CHML: variants seen among roughly 807,000 people sequenced by gnomAD.
CHML encodes the protein rab proteins geranylgeranyltransferase component A 2.
A neutral mutation model predicts 30.4 loss-of-function variants in CHML; 20 were observed. That is an observed-to-expected ratio of 0.66 (90% CI 0.46 to 0.95). CHML has a LOEUF of 0.95. Ranked by LOEUF, CHML falls within the 40% of genes least tolerant of loss-of-function variation. CHML has a pLI of 0.00. For synonymous variants in CHML, 281 were observed against 275.0 expected, an observed-to-expected ratio of 1.02 and a Z score of -0.22; for missense variants, 795 against 768.5, an observed-to-expected ratio of 1.03 and a Z score of -0.41.
In CHML at chr1:241,630,298, C is replaced by T. The variant is rs1054171877; in HGVS notation, c.*3498G>A. 2 of 152,034 alleles carry T rather than the reference C, an allele frequency of 1.3e-5. No individual in the cohort carries two copies. Among genetic ancestry groups the T allele is most frequent in the Non-Finnish European group, 2.9e-5 (2 of 67,908 alleles). 9.4% of individuals were successfully genotyped at this position (152,034 alleles called of 1,614,324 possible). A position where few individuals can be genotyped will look rare whatever the true frequency, so the allele number is the denominator to read the frequency against. On this transcript the variant is annotated 3_prime_UTR_variant, in exon 2 of 2. Transcript: ENST00000366553. ...GGCATGGCTCCCATGGGAGTTTGTTCATGTTTAAAAATATAGCTCTTTAAA... is the reference window on the plus strand; with the variant it reads ...GGCATGGCTCCCATGGGAGTTTGTTTATGTTTAAAAATATAGCTCTTTAAA...
rs1273727735 is a variant in CHML, at chr1:241,629,445, A to T, written c.*4351T>A. On this transcript the variant is annotated 3_prime_UTR_variant, in exon 2 of 2. Coordinates refer to ENST00000366553, the MANE Select transcript of CHML (RefSeq NM_001381853.1). The stretch of plus-strand genomic sequence containing the variant: ...GGAAATTTGAATACCATTCAAATTG[A>T]TTTTTTATATCATTTATACACGATC... 1 of 152,112 alleles carries T rather than the reference A, an allele frequency of 6.6e-6. No homozygotes were observed. Among genetic ancestry groups the T allele is most frequent in the Non-Finnish European group, 1.5e-5 (1 of 67,978 alleles). The allele number at this position is 152,112 out of a possible 1,614,324, so 9.4% of individuals were successfully genotyped here. A position where few individuals can be genotyped will look rare whatever the true frequency, so the allele number is the denominator to read the frequency against.
At position 241,629,396 on chromosome 1, in the gene CHML, G is replaced by A. The variant is rs899085768; in HGVS notation, c.*4400C>T. 2 of 152,238 alleles carry A rather than the reference G, an allele frequency of 1.3e-5. No homozygotes were observed. Among genetic ancestry groups the A allele is most frequent in the African/African-American group, 4.8e-5 (2 of 41,562 alleles). 9.4% of individuals were successfully genotyped at this position (152,238 alleles called of 1,614,324 possible). A position where few individuals can be genotyped will look rare whatever the true frequency, so the allele number is the denominator to read the frequency against. ...TTGCTAATACAATAGCATGAACTAAGTCAAAGTTGCATTTTTAATATTAGG... is the reference window on the plus strand; with the variant it reads ...TTGCTAATACAATAGCATGAACTAAATCAAAGTTGCATTTTTAATATTAGG... On this transcript the variant is annotated 3_prime_UTR_variant, in exon 2 of 2. Transcript: ENST00000366553.
In CHML at chr1:241,629,794, T is replaced by C. The variant is rs1664550813; in HGVS notation, c.*4002A>G. The C allele has an allele frequency of 6.6e-6, 1 of 152,132 alleles. No individual in the cohort carries two copies. The allele number at this position is 152,132 out of a possible 1,614,324, so 9.4% of individuals were successfully genotyped here. The stretch of plus-strand genomic sequence containing the variant: ...TCTAGCTAGTCTTTCCACCAGCAGT[T>C]ATTAATATTTCTTTCTTTCCATTGG... On this transcript the variant is annotated 3_prime_UTR_variant, in exon 2 of 2. Coordinates refer to ENST00000366553, the MANE Select transcript of CHML (RefSeq NM_001381853.1).
Position 241,629,692 on chromosome 1 carries a change from T to A in CHML, c.*4104A>T, listed in dbSNP as rs1446211221. 6.6e-6 allele frequency: 1 copy of A among 152,160 alleles called. No individual in the cohort carries two copies. The highest frequency in any genetic ancestry group is 1.5e-5 in the Non-Finnish European group (1 of 67,982). The allele number at this position is 152,160 out of a possible 1,614,324, so 9.4% of individuals were successfully genotyped here. ...CACTATTGGTGTGAGACTTGTAGTA[T>A]TTTTCTTTTTATACTTAACATTTTA... On this transcript the variant is annotated 3_prime_UTR_variant, in exon 2 of 2. Coordinates refer to ENST00000366553, the MANE Select transcript of CHML (RefSeq NM_001381853.1).
intron 1 of CHML, among the ~76,000 whole-genome samples, chr1:241,636,921 AAC>A (rs1664918490): frequency 6.6e-6 from 1 of 151,504 alleles, no homozygotes; most frequent in Non-Finnish European, 1.5e-5. Flanking sequence ...TGCCAAGACT[AAC>A]ACTGTTTGTT....
chr1:241,640,332 G>A lies in CHML; in HGVS notation c.-758C>T, dbSNP rs1306182033. ...TCGCGGCGCGCTCCGCACTGGGTGGGGTTGGGGCTCCGCCGCCTGCTCTAG... is the reference window on the plus strand; with the variant it reads ...TCGCGGCGCGCTCCGCACTGGGTGGAGTTGGGGCTCCGCCGCCTGCTCTAG... On this transcript the variant is annotated 5_prime_UTR_variant, in exon 1 of 2. Coordinates refer to ENST00000366553, the MANE Select transcript of CHML (RefSeq NM_001381853.1). 3 of 1,083,300 alleles carry A rather than the reference G, an allele frequency of 2.8e-6. No homozygotes were observed. Among genetic ancestry groups the A allele is most frequent in the Non-Finnish European group, 3.3e-6 (3 of 896,306 alleles). The allele number at this position is 1,083,300 out of a possible 1,614,324, so 67.1% of individuals were successfully genotyped here. A position where few individuals can be genotyped will look rare whatever the true frequency, so the allele number is the denominator to read the frequency against.
rs1664772372 is a variant in CHML at position 241,634,173 on chromosome 1, G to T, written c.1594C>A (p.Pro532Thr). The change falls in exon 2 of 2, where the codon CCG (proline) becomes ACG (threonine). Residue 532 changes from proline to threonine, a missense_variant. By Grantham distance (38) the Pro-to-Thr change is conservative. Transcript: ENST00000366553. Reference sequence around the variant, plus strand: ...TCGTTTATTTCTGTTTCAGTATACGGAGTGAATAATTTCTTCACCACTGAT... The same window carrying T: ...TCGTTTATTTCTGTTTCAGTATACGTAGTGAATAATTTCTTCACCACTGAT... ...LESVVKKLFT[P>T]YTETEINEEE... 2 of 1,613,882 alleles carry T rather than the reference G, an allele frequency of 1.2e-6. No homozygotes were observed. Among genetic ancestry groups the T allele is most frequent in the Non-Finnish European group, 1.7e-6 (2 of 1,179,874 alleles).
In CHML at chr1:241,635,662, C is replaced by T; in HGVS notation, c.105G>A (p.Leu35=). ...AACSRSGQRV[L]HIDSRSYYGG... ...CATAGTAGCTTCTTGAATCAATATG[C>T]AGAACCCTCTGACCACTTCTTGAAC... is the stretch of plus-strand genomic sequence containing the variant. Residue 35 remains leucine (L), a synonymous_variant, in exon 2 of 2, where the codon CTG becomes CTA. Coordinates refer to ENST00000366553, the MANE Select transcript of CHML (RefSeq NM_001381853.1). 1.2e-6 allele frequency: 2 copies of T among 1,614,046 alleles called. No homozygotes were observed. The highest frequency in any genetic ancestry group is 1.7e-6 in the Non-Finnish European group (2 of 1,179,916).
At chr1:241,639,784 G>T in intron 1 of CHML, 98 bp downstream of exon 1, 1 of 1,191,508 alleles carries the variant, frequency 8.4e-7, no homozygotes, top group South Asian at 1.8e-5. Context: ...AGCGGGAAGC[G>T]GTGCGGGGCG....
At position 241,632,757 on chromosome 1, in the gene CHML, T is replaced by C. The variant is rs1295981549; in HGVS notation, c.*1039A>G. The C allele has an allele frequency of 6.6e-6, 1 of 152,166 alleles. No individual in the cohort carries two copies. The highest frequency in any genetic ancestry group is 1.9e-4 in the East Asian group (1 of 5,202). 9.4% of individuals were successfully genotyped at this position (152,166 alleles called of 1,614,324 possible). On this transcript the variant is annotated 3_prime_UTR_variant, in exon 2 of 2. Transcript: ENST00000366553. ...ATCAGTTATGTTATAGTGATATTAA[T>C]TAAAGTGGTAGAGCCAACAAGGTGG... is the stretch of plus-strand genomic sequence containing the variant.
chr1:241,637,104 G>A (rs1012771394), intron 1 of CHML, among the ~76,000 whole-genome samples: 2 of 152,208 alleles, frequency 1.3e-5, no homozygotes, highest in Non-Finnish European at 2.9e-5. Context: ...AAAGTCTTTA[G>A]GCTAAAGCAA....
chr1:241,634,252 G>C lies in CHML; in HGVS notation c.1515C>G (p.Thr505=), dbSNP rs201448683. 2 of 1,613,938 alleles carry C rather than the reference G, an allele frequency of 1.2e-6. No homozygotes were observed. The highest frequency in any genetic ancestry group is 2.2e-5 in the East Asian group (1 of 44,876). The part of the protein sequence containing the change: ...CSSTMTCMKD[T]YLVHLTCSSS... ...ATGAACATGTCAAATGTACCAGATA[G>C]GTGTCCTTCATGCATGTCATGGTTG... Residue 505 remains threonine, a synonymous_variant, in exon 2 of 2, where the codon ACC becomes ACG. Coordinates refer to ENST00000366553, the MANE Select transcript of CHML (RefSeq NM_001381853.1).
In CHML at chr1:241,634,216, T is replaced by C. The variant is rs771927047; in HGVS notation, c.1551A>G (p.Thr517=). 10 of 1,614,040 alleles carry C rather than the reference T, an allele frequency of 6.2e-6. No individual in the cohort carries two copies. Among genetic ancestry groups the C allele is most frequent in the Non-Finnish European group, 8.5e-6 (10 of 1,179,922 alleles). ...LVHLTCSSSK[T]AREDLESVVK... is the part of the protein sequence containing the mutation. ...CCACTGATTCTAAGTCTTCTCTTGC[T>C]GTTTTAGAAGATGAACATGTCAAAT... Residue 517 remains threonine (T), a synonymous_variant, in exon 2 of 2, where the codon ACA becomes ACG. Coordinates refer to ENST00000366553, the MANE Select transcript of CHML (RefSeq NM_001381853.1).
chr1:241,634,589 C>T lies in CHML; in HGVS notation c.1178G>A (p.Cys393Tyr), dbSNP rs766466619. The change falls in exon 2 of 2, where the codon TGT becomes TAT. Residue 393 changes from cysteine (C) to tyrosine (Y), a missense_variant. Cys to Tyr is a radical substitution (Grantham distance 194). Coordinates refer to ENST00000366553, the MANE Select transcript of CHML (RefSeq NM_001381853.1). ...ACAATAGATTCCACCAAAAACTGCA[C>T]ACATCCTACAGAAACCCTGGGGAAT... ...GEIPQGFCRM[C>Y]AVFGGIYCLR... 1 of 1,613,776 alleles carries T rather than the reference C, an allele frequency of 6.2e-7. No individual in the cohort carries two copies. Among genetic ancestry groups the T allele is most frequent in the Non-Finnish European group, 8.5e-7 (1 of 1,179,874 alleles).
chr1:241,632,545 C>T lies in CHML; in HGVS notation c.*1251G>A, dbSNP rs1664682542. 1 of 152,076 alleles carries T rather than the reference C, an allele frequency of 6.6e-6. No homozygotes were observed. The highest frequency in any genetic ancestry group is 2.4e-5 in the African/African-American group (1 of 41,412). The allele number at this position is 152,076 out of a possible 1,614,324, so 9.4% of individuals were successfully genotyped here. The stretch of plus-strand genomic sequence containing the variant: ...AAAGCAAGTTCATGTCTTCTGACAG[C>T]TCCACAGGTTTTCACCATTAGAGTA... On this transcript the variant is annotated 3_prime_UTR_variant, in exon 2 of 2. Transcript: ENST00000366553.
Position 241,633,912 on chromosome 1 carries a change from C to G in CHML, c.1855G>C (p.Asp619His). The change falls in exon 2 of 2, where the codon GAT becomes CAT. Residue 619 changes from aspartate to histidine, a missense_variant. Asp to His is a moderately conservative substitution (Grantham distance 81). Coordinates refer to ENST00000366553, the MANE Select transcript of CHML (RefSeq NM_001381853.1). ...PPPNPEDIIFDGDDKQPEAPG... is the reference protein window; with the variant it reads ...PPPNPEDIIFHGDDKQPEAPG... ...GCCTCTGGCTGCTTATCATCACCATCAAAGATAATGTCTTCTGGATTTGGA... is the reference window on the plus strand; with the variant it reads ...GCCTCTGGCTGCTTATCATCACCATGAAAGATAATGTCTTCTGGATTTGGA... 1.9e-6 allele frequency: 3 copies of G among 1,613,890 alleles called. No homozygotes were observed. The highest frequency in any genetic ancestry group is 2.5e-6 in the Non-Finnish European group (3 of 1,179,840).
rs1025356809 is a variant in CHML at position 241,631,526 on chromosome 1, C to A, written c.*2270G>T. 1 of 151,982 alleles carries A rather than the reference C, an allele frequency of 6.6e-6. No individual in the cohort carries two copies. The highest frequency in any genetic ancestry group is 1.5e-5 in the Non-Finnish European group (1 of 67,974). 9.4% of individuals were successfully genotyped at this position (151,982 alleles called of 1,614,324 possible). On this transcript the variant is annotated 3_prime_UTR_variant, in exon 2 of 2. Transcript: ENST00000366553. ...TTTACTATATTTTTAAAAGTCAATA[C>A]AATCCATGACTTTGCTACTTTAAGT... is the stretch of plus-strand genomic sequence containing the variant.
rs1420896512 is a variant in CHML, at chr1:241,635,368, T to C, written c.399A>G (p.Glu133=). ...PSLGVSNTFT[E]VLDSALPEES... is the part of the protein sequence containing the mutation. The stretch of plus-strand genomic sequence containing the variant: ...CTTCAGGTAATGCAGAATCCAGAAC[T>C]TCAGTGAAGGTATTAGACACCCCCA... The change falls in exon 2 of 2, where the codon GAA becomes GAG. Residue 133 remains glutamate, a synonymous_variant. Transcript: ENST00000366553. 6 of 1,613,966 alleles carry C rather than the reference T, an allele frequency of 3.7e-6. No homozygotes were observed. In the Admixed American group the frequency reaches 1.0e-4, roughly 27 times the overall value.
At position 241,639,970 on chromosome 1, in the gene CHML, G is replaced by A; in HGVS notation, c.-396C>T. ...TCAGGCAGGACACGAAGGTAAAGGT[G>A]ACCCCGAAGAGGGACACCAGCAGGT... On this transcript the variant is annotated 5_prime_UTR_variant, in exon 1 of 2. Transcript: ENST00000366553. 2 of 1,612,284 alleles carry A rather than the reference G, an allele frequency of 1.2e-6. No homozygotes were observed. The highest frequency in any genetic ancestry group is 1.7e-6 in the Non-Finnish European group (2 of 1,179,318).
Sources: gnomAD v4.1 joint callset for allele counts (sites outside exome capture counted in the v4.1 genomes callset) on GRCh38, gnomAD v4.1.1 for gene constraint, MANE v1.5 for transcripts, NCBI Gene and HGNC (gene_info 2026-07-23, HGNC 2026-07-21) for gene names.